Variants in WASHC4 observed in about 807,000 individuals in gnomAD.
WASHC4 encodes WASH complex subunit 7.
Under a neutral mutation model 166.6 loss-of-function variants are expected in WASHC4, and 86 were observed. The ratio of observed to expected loss-of-function variants is 0.52; its 90% CI spans 0.43 to 0.62. WASHC4 has a LOEUF of 0.62. Ranked by LOEUF, WASHC4 falls within the 20% of genes least tolerant of loss-of-function variation. The pLI is 0.00. For synonymous variants in WASHC4, 446 were observed against 451.6 expected, an observed-to-expected ratio of 0.99 and a Z score of 0.16; for missense variants, 1,262 against 1,382.4, an observed-to-expected ratio of 0.91 and a Z score of 1.38.
intron 13 of WASHC4, among the ~76,000 whole-genome samples, chr12:105,133,243 C>T (rs956337550): frequency 6.6e-6 from 1 of 152,160 alleles, no homozygotes; most frequent in Non-Finnish European, 1.5e-5. Context: ...AAGCCAGACA[C>T]ATTTCCAAAT....
rs947435491 is a variant in WASHC4 at position 105,140,176 on chromosome 12, G to T, written c.1453-118G>T. The T allele has an allele frequency of 3.8e-6, 3 of 791,402 alleles. No individual in the cohort carries two copies. In the African/African-American group the frequency reaches 5.1e-5, roughly 14 times the overall value. 49.0% of individuals were successfully genotyped at this position (791,402 alleles called of 1,614,324 possible). A position where few individuals can be genotyped will look rare whatever the true frequency, so the allele number is the denominator to read the frequency against. ...GTGAGCCACCACGCCAGGACTGTAA[G>T]GTTTTTTTGTATCTCATTTACAAAT... On this transcript the variant is annotated intron_variant, in intron 15 of 32. Transcript: ENST00000332180.
chr12:105,152,439 A>G lies in WASHC4; in HGVS notation c.2746A>G (p.Ile916Val), dbSNP rs375882823. The change falls in exon 26 of 33, where the codon ATC becomes GTC. Residue 916 changes from isoleucine (I) to valine (V), a missense_variant. Coordinates refer to ENST00000332180, the MANE Select transcript of WASHC4 (RefSeq NM_015275.3). The stretch of plus-strand genomic sequence containing the variant: ...CTACCTTGATCAATTCAGGCAACTC[A>G]TCAGCCAGATTGGTAAGTTATGATA... ...QSYLDQFRQLISQIGNAMGYV... is the reference protein window; with the variant it reads ...QSYLDQFRQLVSQIGNAMGYV... 1.2e-5 allele frequency: 18 copies of G among 1,556,968 alleles called. No homozygotes were observed. The highest frequency in any genetic ancestry group is 1.7e-5 in the Admixed American group (1 of 59,940).
At chr12:105,162,197 A>G (rs984939257) in intron 29 of WASHC4, among the ~76,000 whole-genome samples, 17 of 152,218 alleles carry the variant, frequency 1.1e-4, no homozygotes, top group African/African-American at 3.6e-4. Context: ...ATATGATTAG[A>G]TAAGTCATTT....
intron 26 of WASHC4, among the ~76,000 whole-genome samples, chr12:105,154,006 T>G (rs981524894): frequency 1.3e-5 from 2 of 152,058 alleles, no homozygotes; most frequent in Non-Finnish European, 2.9e-5. Flanking sequence ...GTTTTACTCT[T>G]TATTCTCTTC....
Position 105,118,539 on chromosome 12 carries a change from T to G in WASHC4, c.518+11T>G. 1 of 1,537,218 alleles carries G rather than the reference T, an allele frequency of 6.5e-7. No homozygotes were observed. The highest frequency in any genetic ancestry group is 9.0e-7 in the Non-Finnish European group (1 of 1,109,884). ...CTATATCAGTAACAAGTAATGGATT[T>G]TAGAAATATTTTTGCTTTTATAATA... is the stretch of plus-strand genomic sequence containing the variant. On this transcript the variant is annotated intron_variant, in intron 7 of 32. Transcript: ENST00000332180.
chr12:105,129,233 C>T (rs953915933), intron 13 of WASHC4, among the ~76,000 whole-genome samples: 4 of 152,034 alleles, frequency 2.6e-5, no homozygotes, highest in South Asian at 2.1e-4. Context: ...CGTGAGCCAC[C>T]GCGCCAACGC....
At chr12:105,125,115 T>A (rs1263782671) in intron 10 of WASHC4, among the ~76,000 whole-genome samples, 1 of 152,218 alleles carries the variant, frequency 6.6e-6, no homozygotes, top group Non-Finnish European at 1.5e-5. Context: ...ACTTCAAGGT[T>A]ACCTTTAGTT....
intron 32 of WASHC4, among the ~76,000 whole-genome samples, chr12:105,166,124 C>T (rs1306948274): frequency 2.6e-5 from 4 of 152,164 alleles, no homozygotes; most frequent in African/African-American, 9.7e-5. Context: ...AGTGGGATTC[C>T]TTGCTTTGGC....
At chr12:105,166,811 A>T in intron 32 of WASHC4, 53 bp from the exon 33 acceptor site, 1 of 1,252,302 alleles carries the variant, frequency 8.0e-7, no homozygotes, top group Non-Finnish European at 1.2e-6. Flanking sequence ...TTCTTAATTT[A>T]TTGTTTAAAA....
chr12:105,118,400 G>A, intron 6 of WASHC4, 46 bp from the exon 7 acceptor site: 1 of 1,294,972 alleles, frequency 7.7e-7, no homozygotes, highest in Non-Finnish European at 1.1e-6. Context: ...AAAATGGTGA[G>A]ATTTAAAGAG....
At chr12:105,162,707 T>G (rs1373552) in intron 29 of WASHC4, 42 bp from the exon 30 acceptor site, 187,819 of 986,610 alleles carry the variant, frequency 0.19, 19,191 homozygotes, top group Admixed American at 0.24. Context: ...GAAGATTTTC[T>G]TAGCAAAATT....
intron 18 of WASHC4, among the ~76,000 whole-genome samples, chr12:105,141,501 C>T (rs1364809378): frequency 1.3e-5 from 2 of 152,182 alleles, no homozygotes; most frequent in Admixed American, 1.3e-4. Flanking sequence ...ATCTGGCCGA[C>T]TTTGATGCAT....
At chr12:105,165,052 A>G (rs73395783) in intron 32 of WASHC4, among the ~76,000 whole-genome samples, 2,818 of 152,334 alleles carry the variant, frequency 0.018, 70 homozygotes, top group African/African-American at 0.051. Flanking sequence ...GATTTGAAGG[A>G]ACAAATAGAG....
At position 105,162,825 on chromosome 12, in the gene WASHC4, C is replaced by T. The variant is rs751397939; in HGVS notation, c.3137C>T (p.Thr1046Ile). The T allele has an allele frequency of 6.0e-5, 95 of 1,589,512 alleles. No individual in the cohort carries two copies. The highest frequency in any genetic ancestry group is 8.1e-5 in the Non-Finnish European group (94 of 1,160,580). ...AAAAATAAAATTGGAGCTGCCTTTA[C>T]TGATGATGGCTTTGCCATGGGTAAG... The part of the protein sequence containing the change: ...NKKNKIGAAF[T>I]DDGFAMGVAY... Residue 1046 changes from threonine to isoleucine, a missense_variant, in exon 30 of 33, where the codon ACT becomes ATT. Transcript: ENST00000332180.
intron 28 of WASHC4, 129 bp downstream of exon 28, chr12:105,157,451 T>C: frequency 1.7e-6 from 1 of 603,202 alleles, no homozygotes; most frequent in Non-Finnish European, 2.9e-6. Flanking sequence ...GTTTATGAAG[T>C]ATAATTTTTA....
chr12:105,154,687 A>G (rs1884011495), intron 26 of WASHC4, among the ~76,000 whole-genome samples: 1 of 152,232 alleles, frequency 6.6e-6, no homozygotes, highest in Non-Finnish European at 1.5e-5. Flanking sequence ...AGATGAGAAG[A>G]CTGAGATACA....
In WASHC4 at chr12:105,160,009, A is replaced by G. The variant is rs1347998499; in HGVS notation, c.2921A>G (p.Asp974Gly). 1 of 1,613,992 alleles carries G rather than the reference A, an allele frequency of 6.2e-7. No homozygotes were observed. The highest frequency in any genetic ancestry group is 1.1e-5 in the South Asian group (1 of 91,070). Residue 974 changes from aspartate to glycine, a missense_variant, in exon 29 of 33, where the codon GAT (aspartate) becomes GGT (glycine). By Grantham distance (94) the Asp-to-Gly change is moderately conservative. Transcript: ENST00000332180. Reference protein sequence around the residue: ...EETLKAARHLDSVLSDHTRNS... With the variant: ...EETLKAARHLGSVLSDHTRNS... ...AATTTTTTGCTTTTTAGGCATTTGG[A>G]TTCAGTCCTCAGTGATCACACACGA...
chr12:105,150,801 C>G (rs541353624), intron 25 of WASHC4, among the ~76,000 whole-genome samples: 1 of 152,204 alleles, frequency 6.6e-6, no homozygotes, highest in Non-Finnish European at 1.5e-5. Context: ...CCTCAGGAAA[C>G]TTATAATCAT....
chr12:105,135,465 T>G (rs954391274), intron 14 of WASHC4, among the ~76,000 whole-genome samples: 3 of 151,786 alleles, frequency 2.0e-5, no homozygotes, highest in African/African-American at 7.2e-5. Context: ...TTGTTTTTGT[T>G]AAGAAGTCAA....
Sources: gnomAD v4.1 joint callset for allele counts (sites outside exome capture counted in the v4.1 genomes callset) on GRCh38, gnomAD v4.1.1 for gene constraint, MANE v1.5 for transcripts, NCBI Gene and HGNC (gene_info 2026-07-23, HGNC 2026-07-21) for gene names.